NUMBL: variants seen among roughly 807,000 people sequenced by gnomAD.
NUMBL encodes numb-like protein.
Under a neutral mutation model 48.9 loss-of-function variants are expected in NUMBL, and 20 were observed. That is an observed-to-expected ratio of 0.41 (90% CI 0.29 to 0.59). The LOEUF is 0.59. Ranked by LOEUF, NUMBL falls within the 20% of genes least tolerant of loss-of-function variation. NUMBL has a pLI of 0.31. For missense variants in NUMBL, 660 were observed against 846.2 expected (o/e 0.78, Z 2.73); for synonymous variants, 340 against 348.7 (o/e 0.98, Z 0.28).
chr19:40,670,394 C>T (rs1022968996), intron 8 of NUMBL, among the ~76,000 whole-genome samples: 7 of 152,150 alleles, frequency 4.6e-5, no homozygotes, highest in Non-Finnish European at 7.3e-5. Flanking sequence ...GTGGCATGGC[C>T]GCTCACTGGC....
chr19:40,678,519 A>C (rs1053953055), intron 6 of NUMBL, among the ~76,000 whole-genome samples: 2 of 152,170 alleles, frequency 1.3e-5, no homozygotes, highest in Non-Finnish European at 2.9e-5. Context: ...CCACCTTGAG[A>C]GGTGAAGATA....
chr19:40,675,916 A>G (rs1186919649), intron 7 of NUMBL, among the ~76,000 whole-genome samples: 1 of 149,956 alleles, frequency 6.7e-6, no homozygotes, highest in Non-Finnish European at 1.5e-5. Context: ...CCCAGGTTGG[A>G]GTGTGGTGGT....
rs1380478870 is a variant in NUMBL, at chr19:40,684,503, C to T, written c.163G>A (p.Ala55Thr). Residue 55 changes from alanine to threonine, a missense_variant, in exon 3 of 10, where the codon GCC becomes ACC. Physicochemically the swap from Ala to Thr is moderately conservative, Grantham distance 58. Coordinates refer to ENST00000252891, the MANE Select transcript of NUMBL (RefSeq NM_004756.5). ...GGGCGCGACGCCTCGGGCACGTAGG[C>T]TGGCTTCCTCCGCCGCAGGCTCTGC... is the stretch of plus-strand genomic sequence containing the variant. Reference protein sequence around the residue: ...LRQSLRRRKPAYVPEASRPHQ... With the variant: ...LRQSLRRRKPTYVPEASRPHQ... 1 of 1,604,260 alleles carries T rather than the reference C, an allele frequency of 6.2e-7. No homozygotes were observed. Among genetic ancestry groups the T allele is most frequent in the Non-Finnish European group, 8.5e-7 (1 of 1,176,020 alleles).
rs2081818499 is a variant in NUMBL, at chr19:40,667,667, G to T, written c.1631C>A (p.Ala544Asp). Residue 544 changes from alanine to aspartate, a missense_variant, in exon 10 of 10, where the codon GCC becomes GAC. Coordinates refer to ENST00000252891, the MANE Select transcript of NUMBL (RefSeq NM_004756.5). The surrounding 1 kb of genome is among the most constrained non-coding windows in gnomAD (Gnocchi z 6.1). ...CTGGCTCCCAGGGGCACTGGGTATGGCAGGGGGCGGGAAGGCCCCAGCTTT... is the reference window on the plus strand; with the variant it reads ...CTGGCTCCCAGGGGCACTGGGTATGTCAGGGGGCGGGAAGGCCCCAGCTTT... ...LGKAGAFPPPAIPSAPGSQAR... is the reference protein window; with the variant it reads ...LGKAGAFPPPDIPSAPGSQAR... 1 of 1,566,342 alleles carries T rather than the reference G, an allele frequency of 6.4e-7. No homozygotes were observed. The highest frequency in any genetic ancestry group is 1.4e-5 in the African/African-American group (1 of 73,942).
At chr19:40,679,614 G>A (rs967080902) in intron 6 of NUMBL, among the ~76,000 whole-genome samples, 2 of 152,112 alleles carry the variant, frequency 1.3e-5, no homozygotes, top group African/African-American at 2.4e-5. Context: ...GGAGGCAGAG[G>A]TTGCAGTGAG....
intron 2 of NUMBL, 55 bp from the exon 3 acceptor site, chr19:40,684,611 C>T: frequency 6.5e-7 from 1 of 1,548,576 alleles, no homozygotes; most frequent in Non-Finnish European, 8.8e-7. Flanking sequence ...AGGTATGGAG[C>T]TCAACGGGGA....
intron 2 of NUMBL, chr19:40,685,302 ATGTG>A (rs57140242): frequency 2.5e-4 from 38 of 151,244 alleles, no homozygotes; most frequent in Non-Finnish European, 4.1e-4. Context: ...GCAGAGGGGG[ATGTG>A]TGTGTGTGTG....
chr19:40,677,399 A>G lies in NUMBL; in HGVS notation c.563T>C (p.Val188Ala), dbSNP rs768561324. ...KDSGERLSHA[V>A]GCAFAACLER... ...CAGGCAGGCGGCAAAAGCACAGCCC[A>G]CAGCGTGGCTCAGCCTCTCGCCCTA... The change falls in exon 7 of 10, where the codon GTG (valine) becomes GCG (alanine). Residue 188 changes from valine (V) to alanine (A), a missense_variant. Transcript: ENST00000252891. 2 of 1,610,184 alleles carry G rather than the reference A, an allele frequency of 1.2e-6. No homozygotes were observed. The highest frequency in any genetic ancestry group is 1.7e-6 in the Non-Finnish European group (2 of 1,179,882).
chr19:40,669,988 T>A lies in NUMBL; in HGVS notation c.1069A>T (p.Ser357Cys), dbSNP rs1415044189. The A allele has an allele frequency of 6.2e-7, 1 of 1,613,972 alleles. No individual in the cohort carries two copies. The change falls in exon 9 of 10, where the codon AGT becomes TGT. Residue 357 changes from serine (S) to cysteine (C), a missense_variant. Physicochemically the swap from Ser to Cys is moderately radical, Grantham distance 112 (BLOSUM62 -1). This residue lies in a region of NUMBL where 296 missense variants were observed against 339.7 expected (regional missense o/e 0.87). Transcript: ENST00000252891. ...PEMEPPGAGD[S>C]DSINALCTQI... is the part of the protein sequence containing the mutation. Reference sequence around the variant, plus strand: ...GTGCACAGAGCGTTGATGCTGTCACTGTCGCCGGCACCAGGAGGCTCCATC... The same window carrying A: ...GTGCACAGAGCGTTGATGCTGTCACAGTCGCCGGCACCAGGAGGCTCCATC...
intron 3 of NUMBL, 119 bp downstream of exon 3, chr19:40,684,298 T>C: frequency 8.7e-7 from 1 of 1,154,848 alleles, no homozygotes; most frequent in Non-Finnish European, 1.2e-6. Flanking sequence ...GGCCTCACGC[T>C]TTTTAACACC....
intron 5 of NUMBL, 33 bp from the exon 6 acceptor site, chr19:40,681,090 G>T: frequency 6.2e-7 from 1 of 1,610,492 alleles, no homozygotes; most frequent in Non-Finnish European, 8.5e-7. Context: ...GGAGAAGAGT[G>T]TGAACTCTCT....
At position 40,687,042 on chromosome 19, in the gene NUMBL, G is replaced by T; in HGVS notation, c.25-47C>A. The stretch of plus-strand genomic sequence containing the variant: ...AGGTGAGAAGTTTGTCTGGGTTGGG[G>T]CTCAGTCTGATACTTCACCCCGACT... On this transcript the variant is annotated intron_variant, in intron 1 of 9. Transcript: ENST00000252891. The surrounding 1 kb of genome is among the most constrained non-coding windows in gnomAD (Gnocchi z 4.6). 1.6e-6 allele frequency: 2 copies of T among 1,229,242 alleles called. No homozygotes were observed. The highest frequency in any genetic ancestry group is 2.2e-6 in the Non-Finnish European group (2 of 901,242). The allele number at this position is 1,229,242 out of a possible 1,614,324, so 76.1% of individuals were successfully genotyped here.
intron 3 of NUMBL, 54 bp downstream of exon 3, chr19:40,684,353 CGCACAGCACA>C: frequency 6.7e-7 from 1 of 1,498,848 alleles, no homozygotes; most frequent in Non-Finnish European, 8.9e-7. Context: ...GCCGCGCACC[CGCACAGCACA>C]GCACAGCGGC....
chr19:40,670,056 G>C, intron 8 of NUMBL, 36 bp from the exon 9 acceptor site: 1 of 1,603,096 alleles, frequency 6.2e-7, no homozygotes, highest in African/African-American at 1.3e-5. Context: ...CAGCAAACAG[G>C]CCCAGACCCT....
intron 3 of NUMBL, 166 bp from the exon 4 acceptor site, chr19:40,683,134 G>C (rs1212057044): frequency 3.0e-6 from 2 of 671,088 alleles, no homozygotes; most frequent in South Asian, 1.7e-5. Context: ...CCCCATTCCT[G>C]GTCTAGACAT....
At chr19:40,675,142 C>CAAA (rs71334931) in intron 7 of NUMBL, among the ~76,000 whole-genome samples, 749 of 29,734 alleles carry the variant, frequency 0.025, 186 homozygotes, top group African/African-American at 0.071. Context: ...GACTCTGTCT[C>CAAA]AAAAAAAAAA....
intron 8 of NUMBL, among the ~76,000 whole-genome samples, chr19:40,672,724 C>T (rs757119645): frequency 2.6e-5 from 4 of 152,234 alleles, no homozygotes; most frequent in Admixed American, 1.3e-4. Context: ...TTCCCTTAAC[C>T]ACAGCAGACA....
chr19:40,675,822 C>G (rs1344241385), intron 7 of NUMBL, among the ~76,000 whole-genome samples: 2 of 151,868 alleles, frequency 1.3e-5, no homozygotes, highest in Non-Finnish European at 2.9e-5. Context: ...ATTCAATATA[C>G]TCTGATATTT....
Position 40,667,732 on chromosome 19 carries a change from T to C in NUMBL, c.1566A>G (p.Ser522=). The change falls in exon 10 of 10, where the codon TCA becomes TCG. Residue 522 remains serine, a synonymous_variant. Coordinates refer to ENST00000252891, the MANE Select transcript of NUMBL (RefSeq NM_004756.5). The surrounding 1 kb of genome is among the most constrained non-coding windows in gnomAD (Gnocchi z 6.1). ...PSQMVANAFC[S]AAQLQPQPAT... ...CAGGCTGAGGCTGGAGCTGGGCGGC[T>C]GAGCAGAAGGCGTTTGCCACCATCT... The C allele has an allele frequency of 6.3e-7, 1 of 1,576,582 alleles. No homozygotes were observed. Among genetic ancestry groups the C allele is most frequent in the Non-Finnish European group, 8.6e-7 (1 of 1,162,034 alleles).
Sources: allele counts gnomAD v4.1 joint callset (sites outside exome capture counted in the v4.1 genomes callset), GRCh38; gene constraint gnomAD v4.1.1; regional missense constraint gnomAD v4.1.1; non-coding constraint Gnocchi (gnomAD v3.1); transcripts MANE v1.5; gene names NCBI Gene and HGNC (gene_info 2026-07-23, HGNC 2026-07-21).